The following CDV3 variants were observed in gnomAD, a reference collection of about 807,000 sequenced individuals.
The protein encoded by CDV3 is CDV3 homolog.
CDV3 carries 14 observed loss-of-function variants against 24.5 expected under a neutral mutation model. That is an observed-to-expected ratio of 0.57 (90% confidence interval 0.38 to 0.89). The LOEUF (loss-of-function observed/expected upper bound fraction) is 0.89. CDV3 is among the 40% of genes least tolerant of loss of function. CDV3 has a pLI of 0.00. For missense variants in CDV3, 304 were observed against 310.2 expected, an observed-to-expected ratio of 0.98 and a Z score of 0.15; for synonymous variants, 114 against 114.1, an observed-to-expected ratio of 1.00 and a Z score of 0.00.
Position 133,588,310 on chromosome 3 carries a change from A to G in CDV3, c.*264A>G, listed in dbSNP as rs1251175077. On this transcript the variant is annotated 3_prime_UTR_variant, in exon 5 of 5. Transcript: ENST00000264993. Reference sequence around the variant, plus strand: ...TTTACTCTGCAAATACAAAAAACCAAAACCTGCAGCCAGTGGTCATTTCAA... The same window carrying G: ...TTTACTCTGCAAATACAAAAAACCAGAACCTGCAGCCAGTGGTCATTTCAA... 6.5e-7 allele frequency: 1 copy of G among 1,537,300 alleles called. No homozygotes were observed. Among genetic ancestry groups the G allele is most frequent in the East Asian group, 2.4e-5 (1 of 40,924 alleles).
Position 133,574,174 on chromosome 3 carries a change from G to T in CDV3, c.130G>T (p.Ala44Ser). The change falls in exon 1 of 5, where the codon GCC (alanine) becomes TCC (serine). Residue 44 changes from alanine to serine, a missense_variant. By Grantham distance (99) the Ala-to-Ser change is moderately conservative. Coordinates refer to ENST00000264993, the MANE Select transcript of CDV3 (RefSeq NM_017548.5). ...AAGSAGGSSG[A>S]AGAAGGGAGA... ...GGGCAGCGCCGGCGGAAGCAGTGGAGCCGCGGGTGCGGCGGGCGGCGGGGC... is the reference window on the plus strand; with the variant it reads ...GGGCAGCGCCGGCGGAAGCAGTGGATCCGCGGGTGCGGCGGGCGGCGGGGC... 1 of 1,058,178 alleles carries T rather than the reference G, an allele frequency of 9.5e-7. No individual in the cohort carries two copies. Among genetic ancestry groups the T allele is most frequent in the South Asian group, 3.2e-5 (1 of 31,076 alleles). 65.5% of individuals were successfully genotyped at this position (1,058,178 alleles called of 1,614,324 possible).
At chr3:133,583,950 C>T in intron 2 of CDV3, 52 bp from the exon 3 acceptor site, 1 of 1,391,256 alleles carries the variant, frequency 7.2e-7, no homozygotes, top group African/African-American at 1.4e-5. Flanking sequence ...ACGATTTGGA[C>T]TGAAAATTTT....
At chr3:133,579,951 C>T (rs980558484) in intron 2 of CDV3, among the ~76,000 whole-genome samples, 1 of 152,180 alleles carries the variant, frequency 6.6e-6, no homozygotes, top group Non-Finnish European at 1.5e-5. Flanking sequence ...ATTTCAGAAT[C>T]TTAACCCAAA....
chr3:133,587,639 CAA>C (rs1933752009), intron 4 of CDV3: 1 of 1,176,672 alleles, frequency 8.5e-7, no homozygotes, highest in Non-Finnish European at 1.1e-6. Flanking sequence ...CAGTTTTCTT[CAA>C]GTTTGTCCTG....
intron 2 of CDV3, among the ~76,000 whole-genome samples, chr3:133,579,891 C>G (rs1041136823): frequency 6.6e-6 from 1 of 152,134 alleles, no homozygotes; most frequent in Non-Finnish European, 1.5e-5. Context: ...CTGCGCCCGG[C>G]TGATAAAGAG....
chr3:133,574,631 G>GC (rs1232517888), intron 1 of CDV3: 1 of 1,025,202 alleles, frequency 9.8e-7, no homozygotes, highest in Non-Finnish European at 1.2e-6. Context: ...GCTGACCTCA[G>GC]CCCAGTAGTT....
chr3:133,574,387 CCGGGCGGA>C (rs1416873850), intron 1 of CDV3, 103 bp downstream of exon 1: 1 of 942,420 alleles, frequency 1.1e-6, no homozygotes, highest in African/African-American at 1.8e-5. Flanking sequence ...GCCGCGGAGG[CCGGGCGGA>C]CGGGCGCGGG....
intron 3 of CDV3, 35 bp downstream of exon 3, chr3:133,584,185 A>G (rs765519497): frequency 2.6e-5 from 39 of 1,504,976 alleles, no homozygotes; most frequent in Non-Finnish European, 3.3e-5. Flanking sequence ...AAAGATGTCT[A>G]ATTTATATAT....
chr3:133,583,936 A>G lies in CDV3; in HGVS notation c.318-66A>G. 4 of 1,175,478 alleles carry G rather than the reference A, an allele frequency of 3.4e-6. No homozygotes were observed. In the South Asian group the frequency reaches 4.2e-5, roughly 12 times the overall value. 72.8% of individuals were successfully genotyped at this position (1,175,478 alleles called of 1,614,324 possible). On this transcript the variant is annotated intron_variant, in intron 2 of 4. Coordinates refer to ENST00000264993, the MANE Select transcript of CDV3 (RefSeq NM_017548.5). ...GGTCGTACAGATAATCATGGATAAA[A>G]CTAACGATTTGGACTGAAAATTTTC...
At chr3:133,587,261 G>A (rs866772563) in intron 4 of CDV3, 3 of 1,286,380 alleles carry the variant, frequency 2.3e-6, no homozygotes, top group Middle Eastern at 2.0e-4. Context: ...AAAATGGGAA[G>A]AAATGTAAAT....
chr3:133,587,211 C>A, intron 4 of CDV3: 2 of 1,330,204 alleles, frequency 1.5e-6, no homozygotes, highest in South Asian at 2.1e-5. Context: ...TATGGCACAT[C>A]TACATCTTAC....
At position 133,588,176 on chromosome 3, in the gene CDV3, A is replaced by C; in HGVS notation, c.*130A>C. The C allele has an allele frequency of 6.5e-7, 1 of 1,542,304 alleles. No individual in the cohort carries two copies. ...ACCACTCGATTTCATGACCGGCCCTATTGCACTATGGAAGTTAAAGTGTCA... is the reference window on the plus strand; with the variant it reads ...ACCACTCGATTTCATGACCGGCCCTCTTGCACTATGGAAGTTAAAGTGTCA... On this transcript the variant is annotated 3_prime_UTR_variant, in exon 5 of 5. Coordinates refer to ENST00000264993, the MANE Select transcript of CDV3 (RefSeq NM_017548.5).
chr3:133,584,615 A>G (rs1490746966), intron 3 of CDV3, among the ~76,000 whole-genome samples: 2 of 152,316 alleles, frequency 1.3e-5, no homozygotes, highest in African/African-American at 4.8e-5. Flanking sequence ...ATCATTTAAA[A>G]TATTTTTGAC....
chr3:133,578,897 A>G (rs2074917009), intron 2 of CDV3, among the ~76,000 whole-genome samples: 1 of 152,218 alleles, frequency 6.6e-6, no homozygotes, highest in South Asian at 2.1e-4. Context: ...TTATAAATAT[A>G]CTGCTGCAGG....
Position 133,588,404 on chromosome 3 carries a change from G to A in CDV3, c.*358G>A, listed in dbSNP as rs1576663696. 2 of 1,526,296 alleles carry A rather than the reference G, an allele frequency of 1.3e-6. No individual in the cohort carries two copies. The highest frequency in any genetic ancestry group is 1.8e-6 in the Non-Finnish European group (2 of 1,138,008). 94.5% of individuals were successfully genotyped at this position (1,526,296 alleles called of 1,614,324 possible). ...ACCTCAGATTTGCTGCACTCATTGT[G>A]GACTTCATGTGGATCACAACTTCTG... On this transcript the variant is annotated 3_prime_UTR_variant, in exon 5 of 5. Coordinates refer to ENST00000264993, the MANE Select transcript of CDV3 (RefSeq NM_017548.5).
chr3:133,574,504 C>T, intron 1 of CDV3: 1 of 986,264 alleles, frequency 1.0e-6, no homozygotes, highest in Non-Finnish European at 1.2e-6. Flanking sequence ...CCCCGCGTCG[C>T]TCGGCGTTAG....
In CDV3 at chr3:133,584,074, T is replaced by C; in HGVS notation, c.390T>C (p.Gly130=). 7.5e-6 allele frequency: 12 copies of C among 1,609,786 alleles called. No homozygotes were observed. Among genetic ancestry groups the C allele is most frequent in the Non-Finnish European group, 1.0e-5 (12 of 1,176,330 alleles). ...PGDNWEEGGG[G]GGGMEKSSGP... ...ATAACTGGGAAGAAGGTGGAGGTGG[T>C]GGTGGAGGTATGGAAAAATCTTCAG... is the stretch of plus-strand genomic sequence containing the variant. Residue 130 remains glycine, a synonymous_variant, in exon 3 of 5, where the codon GGT becomes GGC. Coordinates refer to ENST00000264993, the MANE Select transcript of CDV3 (RefSeq NM_017548.5).
chr3:133,588,179 G>A lies in CDV3; in HGVS notation c.*133G>A, dbSNP rs1933805157. On this transcript the variant is annotated 3_prime_UTR_variant, in exon 5 of 5. Coordinates refer to ENST00000264993, the MANE Select transcript of CDV3 (RefSeq NM_017548.5). The stretch of plus-strand genomic sequence containing the variant: ...ACTCGATTTCATGACCGGCCCTATT[G>A]CACTATGGAAGTTAAAGTGTCACGA... 6 of 1,540,528 alleles carry A rather than the reference G, an allele frequency of 3.9e-6. No individual in the cohort carries two copies. The South Asian group carries it at 7.6e-5, about 20-fold the overall frequency.
chr3:133,576,928 A>C (rs1559780183), intron 2 of CDV3, among the ~76,000 whole-genome samples: 1 of 136,888 alleles, frequency 7.3e-6, no homozygotes, highest in Admixed American at 8.3e-5. Context: ...GCTCACTGCA[A>C]CCTCCGCCTT....
Sources: gnomAD v4.1 joint callset for allele counts (sites outside exome capture counted in the v4.1 genomes callset) on GRCh38, gnomAD v4.1.1 for gene constraint, MANE v1.5 for transcripts, NCBI Gene and HGNC (gene_info 2026-07-23, HGNC 2026-07-21) for gene names.